Variants in PCDHGA5 observed in about 807,000 individuals in gnomAD.
PCDHGA5 encodes protocadherin gamma subfamily A, 5, also known as protocadherin gamma-A5.
A neutral mutation model predicts 56.7 loss-of-function variants in PCDHGA5; 36 were observed. That is an observed-to-expected ratio of 0.64 (90% CI 0.49 to 0.84). The LOEUF is 0.84. Ranked by LOEUF, PCDHGA5 falls within the 40% of genes least tolerant of loss-of-function variation. The probability of loss-of-function intolerance (pLI) is 0.00; values close to 1 mark genes in which losing one functional copy is unlikely to be tolerated. For synonymous variants in PCDHGA5, 563 were observed against 520.2 expected (o/e 1.08, Z -1.12); for missense variants, 1,305 against 1,201.5 (o/e 1.09, Z -1.27).
chr5:141,371,018 C>G, intron 1 of PCDHGA5: 1 of 1,613,994 alleles, frequency 6.2e-7, no homozygotes, highest in Non-Finnish European at 8.5e-7. Flanking sequence ...AGCCACATCA[C>G]CACCTGGTCC....
Position 141,389,968 on chromosome 5 carries a change from C to A in PCDHGA5, c.2421+23217C>A, listed in dbSNP as rs898974383. ...CAGTTTTACCTAGTGGTGGCCTTGG[C>A]CTTGATCTCAGTGCTCTTCCTCGTG... is the stretch of plus-strand genomic sequence containing the variant. On this transcript the variant is annotated intron_variant, in intron 1 of 3. Coordinates refer to ENST00000518069, the MANE Select transcript of PCDHGA5 (RefSeq NM_018918.3). 3 of 1,613,908 alleles carry A rather than the reference C, an allele frequency of 1.9e-6. No homozygotes were observed. The highest frequency in any genetic ancestry group is 2.5e-6 in the Non-Finnish European group (3 of 1,179,892).
At chr5:141,460,453 A>G (rs1487816393) in intron 1 of PCDHGA5, among the ~76,000 whole-genome samples, 1 of 152,152 alleles carries the variant, frequency 6.6e-6, no homozygotes, top group Non-Finnish European at 1.5e-5. Flanking sequence ...ATGAAGATTC[A>G]TATTTTTTTC....
intron 1 of PCDHGA5, chr5:141,384,978 G>C (rs1394445835): frequency 6.2e-7 from 1 of 1,614,032 alleles, no homozygotes; most frequent in Non-Finnish European, 8.5e-7. Context: ...CGTTGTACCT[G>C]GTGGTGGCGG....
chr5:141,410,664 A>G, intron 1 of PCDHGA5: 1 of 1,570,058 alleles, frequency 6.4e-7, no homozygotes, highest in Non-Finnish European at 8.6e-7. Context: ...ATAGTCTACT[A>G]GTTTCTCATA....
At chr5:141,484,392 T>G (rs1454201773) in intron 1 of PCDHGA5, among the ~76,000 whole-genome samples, 1 of 152,162 alleles carries the variant, frequency 6.6e-6, no homozygotes, top group African/African-American at 2.4e-5. Flanking sequence ...TAAGAAAGGT[T>G]TGGTTTCCGC....
chr5:141,443,708 T>G (rs2098400247), intron 1 of PCDHGA5, among the ~76,000 whole-genome samples: 1 of 152,192 alleles, frequency 6.6e-6, no homozygotes, highest in Non-Finnish European at 1.5e-5. Context: ...GAATAACATT[T>G]GCATATAAAA....
intron 1 of PCDHGA5, chr5:141,427,842 C>A: frequency 6.5e-7 from 1 of 1,549,268 alleles, no homozygotes. Flanking sequence ...TGCCTTCGAC[C>A]ACGAGCAGCT....
chr5:141,432,627 C>T lies in PCDHGA5; in HGVS notation c.2422-62180C>T. ...GGACTCTTCTCGGTGGGTCTGCACA[C>T]GGGCGAGGTGCGCACGGCGCGAGCC... On this transcript the variant is annotated intron_variant, in intron 1 of 3. Coordinates refer to ENST00000518069, the MANE Select transcript of PCDHGA5 (RefSeq NM_018918.3). This position sits in a 1 kb window ranked among gnomAD's most constrained non-coding sequence, Gnocchi z 6.0. 1.2e-6 allele frequency: 2 copies of T among 1,613,770 alleles called. No individual in the cohort carries two copies. Among genetic ancestry groups the T allele is most frequent in the Non-Finnish European group, 1.7e-6 (2 of 1,179,944 alleles).
At chr5:141,467,018 CTTTGT>C (rs1209768587) in intron 1 of PCDHGA5, among the ~76,000 whole-genome samples, 4 of 149,992 alleles carry the variant, frequency 2.7e-5, no homozygotes, top group African/African-American at 7.3e-5. Context: ...ATTTTTTTCC[CTTTGT>C]TTTTGTTTTT....
intron 1 of PCDHGA5, chr5:141,374,349 G>A: frequency 1.2e-6 from 2 of 1,614,042 alleles, no homozygotes; most frequent in Non-Finnish European, 1.7e-6. Context: ...ACCGCGGGTA[G>A]GATAGACCGC....
intron 1 of PCDHGA5, among the ~76,000 whole-genome samples, chr5:141,482,530 CAAAA>C (rs3074545): frequency 9.1e-5 from 7 of 76,540 alleles, no homozygotes; most frequent in South Asian, 4.6e-4. Flanking sequence ...GACAGACATG[CAAAA>C]AAAAAAAAAA....
In PCDHGA5 at chr5:141,490,658, T is replaced by A. The variant is rs776806248; in HGVS notation, c.2422-4149T>A. The A allele has an allele frequency of 8.1e-6, 13 of 1,614,204 alleles. No homozygotes were observed. The South Asian group carries it at 1.4e-4, about 18-fold the overall frequency. ...GAAAACCGGCCTCCGGGCTCCCTTC[T>A]TTGCACTGTGGCTGCCTCAGATCCA... On this transcript the variant is annotated intron_variant, in intron 1 of 3. Transcript: ENST00000518069. The surrounding 1 kb of genome is among the most constrained non-coding windows in gnomAD (Gnocchi z 5.4).
At chr5:141,467,431 C>T (rs1452587540) in intron 1 of PCDHGA5, among the ~76,000 whole-genome samples, 1 of 152,170 alleles carries the variant, frequency 6.6e-6, no homozygotes, top group African/African-American at 2.4e-5. Flanking sequence ...GTTATAGAAA[C>T]ATTCATTACT....
At chr5:141,433,215 T>A (rs755571112) in intron 1 of PCDHGA5, 1 of 1,568,720 alleles carries the variant, frequency 6.4e-7, no homozygotes, top group South Asian at 1.2e-5. Flanking sequence ...TTTCTTTTTT[T>A]TTTTTAATTG....
chr5:141,366,291 T>A lies in PCDHGA5; in HGVS notation c.1961T>A (p.Leu654Gln). The change falls in exon 1 of 4, where the codon CTG (leucine) becomes CAG (glutamine). Residue 654 changes from leucine to glutamine, a missense_variant. Transcript: ENST00000518069. The stretch of plus-strand genomic sequence containing the variant: ...GTCGAAGACCATGGCCAGCCCCCTC[T>A]GTCAGCCACCTTCACGGTCACCGTT... Reference protein sequence around the residue: ...VAVEDHGQPPLSATFTVTVAV... With the variant: ...VAVEDHGQPPQSATFTVTVAV... 1 of 1,613,746 alleles carries A rather than the reference T, an allele frequency of 6.2e-7. No individual in the cohort carries two copies. The highest frequency in any genetic ancestry group is 8.5e-7 in the Non-Finnish European group (1 of 1,179,996).
At chr5:141,444,152 ATTTTTTTTTTTTTTTTTTT>A (rs747671382) in intron 1 of PCDHGA5, among the ~76,000 whole-genome samples, 14 of 33,898 alleles carry the variant, frequency 4.1e-4, no homozygotes, top group South Asian at 3.1e-3. Flanking sequence ...TGTGTACTGG[ATTTTTTTTTTTTTTTTTTT>A]TTTTTTTTTT....
At position 141,476,753 on chromosome 5, in the gene PCDHGA5, G is replaced by C; in HGVS notation, c.2422-18054G>C. On this transcript the variant is annotated intron_variant, in intron 1 of 3. Coordinates refer to ENST00000518069, the MANE Select transcript of PCDHGA5 (RefSeq NM_018918.3). This position sits in a 1 kb window ranked among gnomAD's most constrained non-coding sequence, Gnocchi z 7.6. Reference sequence around the variant, plus strand: ...AGAACGGGAGCCTAGTCTCCAGTTAGTGCTGACGGCGTTGGACGGAGGGAC... The same window carrying C: ...AGAACGGGAGCCTAGTCTCCAGTTACTGCTGACGGCGTTGGACGGAGGGAC... 3.1e-6 allele frequency: 5 copies of C among 1,614,012 alleles called. No individual in the cohort carries two copies. The highest frequency in any genetic ancestry group is 4.2e-6 in the Non-Finnish European group (5 of 1,180,030).
At chr5:141,399,111 A>C (rs1561667842) in intron 1 of PCDHGA5, 1 of 1,613,732 alleles carries the variant, frequency 6.2e-7, no homozygotes, top group Non-Finnish European at 8.5e-7. Context: ...CACAATGTAC[A>C]GTTGAAATTA....
intron 1 of PCDHGA5, chr5:141,398,925 C>G (rs766149685): frequency 1.1e-5 from 17 of 1,613,966 alleles, no homozygotes; most frequent in Non-Finnish European, 1.4e-5. Flanking sequence ...AAGTGTCAGC[C>G]ACTGACCAAG....
Sources: allele counts gnomAD v4.1 joint callset (sites outside exome capture counted in the v4.1 genomes callset), GRCh38; gene constraint gnomAD v4.1.1; non-coding constraint Gnocchi (gnomAD v3.1); transcripts MANE v1.5; gene names NCBI Gene and HGNC (gene_info 2026-07-23, HGNC 2026-07-21).